IARS1: variants seen among roughly 807,000 people sequenced by gnomAD.
IARS1 encodes the protein isoleucine--tRNA ligase, cytoplasmic.
In IARS1, 124 loss-of-function variants were observed where a neutral mutation model predicts 168.2. The observed-to-expected ratio is 0.74, with a 90% confidence interval of 0.64 to 0.86. The LOEUF (loss-of-function observed/expected upper bound fraction) is 0.86. IARS1 is among the 40% of genes least tolerant of loss of function. The probability of loss-of-function intolerance (pLI) is 0.00; values close to 1 mark genes in which losing one functional copy is unlikely to be tolerated. For missense variants in IARS1, 1,452 were observed against 1,515.8 expected (o/e 0.96, Z 0.70); for synonymous variants, 532 against 529.4 (o/e 1.00, Z -0.07).
chr9:92,261,776 A>G (rs559813290), intron 17 of IARS1, among the ~76,000 whole-genome samples: 74 of 151,076 alleles, frequency 4.9e-4, no homozygotes, highest in Non-Finnish European at 7.5e-4. Flanking sequence ...TTTGAGATGG[A>G]GCCTCACTCT....
At chr9:92,280,119 G>A (rs1296221259) in intron 7 of IARS1, among the ~76,000 whole-genome samples, 2 of 152,156 alleles carry the variant, frequency 1.3e-5, no homozygotes, top group Non-Finnish European at 2.9e-5. Context: ...ACAAGTAACT[G>A]TTCAAGACTG....
chr9:92,274,493 A>C lies in IARS1; in HGVS notation c.923T>G (p.Leu308Arg). The change falls in exon 10 of 34, where the codon CTT becomes CGT. Residue 308 changes from leucine (L) to arginine (R), a missense_variant. Leu to Arg is a moderately radical substitution (Grantham distance 102). Coordinates refer to ENST00000443024, the MANE Select transcript of IARS1 (RefSeq NM_002161.6). ...KCKENGAFTVLVDNYVKEEEG... is the reference protein window; with the variant it reads ...KCKENGAFTVRVDNYVKEEEG... ...TTCTTCCTTCACATAGTTGTCAACA[A>C]GCACAGTGAAAGCGCCATTCTCTTT... The C allele has an allele frequency of 6.2e-7, 1 of 1,614,018 alleles. No individual in the cohort carries two copies.
At chr9:92,285,574 C>T in intron 6 of IARS1, 148 bp downstream of exon 6, 1 of 564,728 alleles carries the variant, frequency 1.8e-6, no homozygotes, top group Non-Finnish European at 3.2e-6. Context: ...GGCAATATTT[C>T]CAGCACTCAG....
intron 10 of IARS1, among the ~76,000 whole-genome samples, chr9:92,274,159 G>A (rs1833474373): frequency 6.6e-6 from 1 of 152,084 alleles, no homozygotes. Context: ...TATCTTGGTG[G>A]CTGAGGCACC....
Position 92,256,760 on chromosome 9 carries a change from C to A in IARS1, c.2057G>T (p.Arg686Ile). The A allele has an allele frequency of 6.2e-7, 1 of 1,613,846 alleles. No individual in the cohort carries two copies. The highest frequency in any genetic ancestry group is 8.5e-7 in the Non-Finnish European group (1 of 1,179,788). The change falls in exon 20 of 34, where the codon AGA becomes ATA. Residue 686 changes from arginine (R) to isoleucine (I), a missense_variant. Physicochemically the swap from Arg to Ile is moderately conservative, Grantham distance 97. Transcript: ENST00000443024. ...CCGGTCTGTAATGTTGGGGCTTTCT[C>A]TAACCGTGTTCTCATTGTAGAGAAA... The part of the protein sequence containing the change: ...IEFLYNENTV[R>I]ESPNITDRWI...
intron 22 of IARS1, 123 bp from the exon 23 acceptor site, chr9:92,250,957 G>A: frequency 9.4e-7 from 1 of 1,062,540 alleles, no homozygotes; most frequent in Non-Finnish European, 1.4e-6. Context: ...AAATGAGCAT[G>A]AGGTTACAAA....
chr9:92,281,135 C>CTT (rs35960000), intron 6 of IARS1, among the ~76,000 whole-genome samples: 1 of 135,542 alleles, frequency 7.4e-6, no homozygotes, highest in African/African-American at 2.7e-5. Context: ...CACCTGGTGA[C>CTT]TTTTTTTTTT....
chr9:92,228,318 G>GT (rs1243076950), intron 31 of IARS1, among the ~76,000 whole-genome samples: 4 of 151,954 alleles, frequency 2.6e-5, no homozygotes, highest in African/African-American at 7.3e-5. Flanking sequence ...AATTCAATAC[G>GT]TAACAGCGGG....
At chr9:92,266,399 G>C (rs996128206) in intron 14 of IARS1, among the ~76,000 whole-genome samples, 1 of 152,228 alleles carries the variant, frequency 6.6e-6, no homozygotes, top group East Asian at 1.9e-4. Flanking sequence ...CACAGACCTA[G>C]ATGGGATGGC....
At chr9:92,293,533 T>C in intron 1 of IARS1, 78 bp downstream of exon 1, 1 of 519,914 alleles carries the variant, frequency 1.9e-6, no homozygotes, top group South Asian at 1.4e-5. Context: ...TTAAATCTTG[T>C]GCTACTGTTT....
At chr9:92,247,883 C>T (rs916737373) in intron 25 of IARS1, among the ~76,000 whole-genome samples, 18 of 152,098 alleles carry the variant, frequency 1.2e-4, no homozygotes, top group African/African-American at 3.1e-4. Context: ...CAAATAGGTT[C>T]GTGGATGCCA....
chr9:92,258,713 C>G (rs1482310066), intron 19 of IARS1, 141 bp downstream of exon 19: 1 of 797,158 alleles, frequency 1.3e-6, no homozygotes, highest in African/African-American at 1.7e-5. Flanking sequence ...GTATGGCCTC[C>G]CCATGGCTCT....
chr9:92,263,586 CCT>C (rs1389033241), intron 16 of IARS1, among the ~76,000 whole-genome samples: 2 of 152,176 alleles, frequency 1.3e-5, no homozygotes, highest in Non-Finnish European at 2.9e-5. Flanking sequence ...TGCTTTCCTG[CCT>C]CTCTTACCTA....
At chr9:92,264,133 G>T (rs555800862) in intron 16 of IARS1, among the ~76,000 whole-genome samples, 4 of 152,042 alleles carry the variant, frequency 2.6e-5, no homozygotes, top group Admixed American at 1.3e-4. Flanking sequence ...TCAGGAGTTC[G>T]AGACCAGCCT....
At chr9:92,266,996 T>C (rs1030716109) in intron 14 of IARS1, among the ~76,000 whole-genome samples, 1 of 152,236 alleles carries the variant, frequency 6.6e-6, no homozygotes, top group Non-Finnish European at 1.5e-5. Context: ...AAAGGCACAG[T>C]AACCATATGG....
At chr9:92,213,244 G>A (rs1457435365) in intron 33 of IARS1, among the ~76,000 whole-genome samples, 2 of 152,116 alleles carry the variant, frequency 1.3e-5, no homozygotes, top group Non-Finnish European at 2.9e-5. Flanking sequence ...AGGAAAGCAG[G>A]GAAAGAAAAG....
At chr9:92,243,025 C>A (rs1828665710) in intron 28 of IARS1, 191 bp downstream of exon 28, 1 of 502,744 alleles carries the variant, frequency 2.0e-6, no homozygotes, top group Non-Finnish European at 3.7e-6. Flanking sequence ...AAAGCTACGA[C>A]TTGGGAGTGA....
chr9:92,215,678 G>C (rs1430539535), intron 33 of IARS1, among the ~76,000 whole-genome samples: 1 of 152,068 alleles, frequency 6.6e-6, no homozygotes, highest in African/African-American at 2.4e-5. Flanking sequence ...ATCAGCGATG[G>C]AAGATGAAAT....
chr9:92,245,637 C>T (rs1165027334), intron 26 of IARS1, among the ~76,000 whole-genome samples: 3 of 152,134 alleles, frequency 2.0e-5, no homozygotes, highest in Admixed American at 1.3e-4. Flanking sequence ...CCTTCTTGGG[C>T]TCTGAGCACC....
Sources: allele counts gnomAD v4.1 joint callset (sites outside exome capture counted in the v4.1 genomes callset), GRCh38; gene constraint gnomAD v4.1.1; transcripts MANE v1.5; gene names NCBI Gene and HGNC (gene_info 2026-07-23, HGNC 2026-07-21).